Variants in PCF11 observed in about 807,000 individuals in gnomAD.
PCF11 encodes the protein pre-mRNA cleavage complex 2 protein Pcf11.
PCF11 carries 19 observed loss-of-function variants against 166.1 expected under a neutral mutation model. The ratio of observed to expected loss-of-function variants is 0.11; its 90% CI spans 0.08 to 0.17. PCF11 has a LOEUF of 0.17. PCF11 is among the 10% of genes least tolerant of loss of function. PCF11 has a pLI of 1.00. For missense variants in PCF11, 1,565 were observed against 1,855.5 expected, an observed-to-expected ratio of 0.84 and a Z score of 2.88; for synonymous variants, 663 against 644.1, an observed-to-expected ratio of 1.03 and a Z score of -0.44.
chr11:83,164,000 T>A (rs115913594), intron 3 of PCF11, 133 bp downstream of exon 3: 6 of 562,932 alleles, frequency 1.1e-5, no homozygotes, highest in Non-Finnish European at 1.5e-5. Flanking sequence ...AAAAAAAAAA[T>A]AGTGTGTATA....
At chr11:83,171,294 C>G (rs1860681355) in intron 8 of PCF11, 1 of 455,534 alleles carries the variant, frequency 2.2e-6, no homozygotes, top group African/African-American at 2.0e-5. Context: ...TGCTTACCTG[C>G]TTGGTAATTC....
rs898763506 is a variant in PCF11 at position 83,172,996 on chromosome 11, A to G, written c.3757+1082A>G. 3.9e-5 allele frequency among the ~76,000 whole-genome samples: 6 copies of G among 152,234 alleles called. 1 individual carries two copies. In the South Asian group the frequency reaches 1.0e-3, roughly 26 times the overall value. On this transcript the variant is annotated intron_variant, in intron 9 of 15. Transcript: ENST00000298281. ...AATTTCTACATGGACAATTATGACTAATTAATATTTGTTATTATTATTATT... is the reference window on the plus strand; with the variant it reads ...AATTTCTACATGGACAATTATGACTGATTAATATTTGTTATTATTATTATT...
Position 83,182,014 on chromosome 11 carries a change from G to A in PCF11, c.4323+5G>A. 1 of 1,592,752 alleles carries A rather than the reference G, an allele frequency of 6.3e-7. No individual in the cohort carries two copies. The highest frequency in any genetic ancestry group is 2.3e-5 in the East Asian group (1 of 44,266). On this transcript the variant is annotated splice_donor_5th_base_variant and intron_variant, in intron 13 of 15. Transcript: ENST00000298281. ...GGACCAGCTGGAGCAGTTGAGGTGAGAGAAGAACGTTTAAGTTTTCTCACA... is the reference window on the plus strand; with the variant it reads ...GGACCAGCTGGAGCAGTTGAGGTGAAAGAAGAACGTTTAAGTTTTCTCACA...
intron 1 of PCF11, among the ~76,000 whole-genome samples, chr11:83,160,868 G>C (rs1056153930): frequency 6.6e-6 from 1 of 152,168 alleles, no homozygotes; most frequent in African/African-American, 2.4e-5. Context: ...GGTAACAAAA[G>C]CTTCATAGAC....
In PCF11 at chr11:83,174,421, G is replaced by A. The variant is rs563551680; in HGVS notation, c.3757+2507G>A. 2.8e-5 allele frequency among the ~76,000 whole-genome samples: 4 copies of A among 143,956 alleles called. No homozygotes were observed. In the South Asian group the frequency reaches 6.6e-4, roughly 24 times the overall value. The allele number at this position is 143,956 out of a possible 152,430, so 94.4% of individuals were successfully genotyped here. A position where few individuals can be genotyped will look rare whatever the true frequency, so the allele number is the denominator to read the frequency against. Reference sequence around the variant, plus strand: ...TTTTTTTAAAGAGGGTGCTCACTATGTAGCCCAGGCTGGTCTCAAACACCT... The same window carrying A: ...TTTTTTTAAAGAGGGTGCTCACTATATAGCCCAGGCTGGTCTCAAACACCT... On this transcript the variant is annotated intron_variant, in intron 9 of 15. Transcript: ENST00000298281.
Position 83,167,663 on chromosome 11 carries a change from C to G in PCF11, c.2092+158C>G. 1 of 1,526,932 alleles carries G rather than the reference C, an allele frequency of 6.5e-7. No homozygotes were observed. Among genetic ancestry groups the G allele is most frequent in the Non-Finnish European group, 8.8e-7 (1 of 1,140,926 alleles). 94.6% of individuals were successfully genotyped at this position (1,526,932 alleles called of 1,614,324 possible). A position where few individuals can be genotyped will look rare whatever the true frequency, so the allele number is the denominator to read the frequency against. On this transcript the variant is annotated intron_variant, in intron 7 of 15. Transcript: ENST00000298281. This position sits in a 1 kb window ranked among gnomAD's most constrained non-coding sequence, Gnocchi z 4.2. ...AGCATTCATTTCCAAGACTTGATCTCTTAGATCCTGATATTTTTGACTACC... is the reference window on the plus strand; with the variant it reads ...AGCATTCATTTCCAAGACTTGATCTGTTAGATCCTGATATTTTTGACTACC...
chr11:83,159,692 G>A (rs563978561), intron 1 of PCF11, among the ~76,000 whole-genome samples: 1 of 152,240 alleles, frequency 6.6e-6, no homozygotes, highest in East Asian at 1.9e-4. Context: ...AATCTGGGTT[G>A]GGATCGAGGG....
chr11:83,171,885 A>C lies in PCF11; in HGVS notation c.3728A>C (p.Gln1243Pro), dbSNP rs746938437. 8.2e-6 allele frequency: 13 copies of C among 1,592,514 alleles called. No homozygotes were observed. In the East Asian group the frequency reaches 2.7e-4, roughly 33 times the overall value. The change falls in exon 9 of 16, where the codon CAA (glutamine) becomes CCA (proline). Residue 1243 changes from glutamine (Q) to proline (P), a missense_variant. Gln to Pro is a moderately conservative substitution (Grantham distance 76). Transcript: ENST00000298281. ...CAACAGTTTTTACCAGTTCATCCAC[A>C]AAATCCTGGATTTGTTCAGAATCCT...
Position 83,167,978 on chromosome 11 carries a change from T to G in PCF11, c.2093-450T>G. ...AATGAACAAGCTAAGTGGGGATGGA[T>G]TTTTGTGACTGTTCAGATTACCATT... On this transcript the variant is annotated intron_variant, in intron 7 of 15. Coordinates refer to ENST00000298281, the Ensembl canonical transcript of PCF11. This position sits in a 1 kb window ranked among gnomAD's most constrained non-coding sequence, Gnocchi z 4.2. 1 of 1,067,368 alleles carries G rather than the reference T, an allele frequency of 9.4e-7. No individual in the cohort carries two copies. The highest frequency in any genetic ancestry group is 1.2e-6 in the Non-Finnish European group (1 of 825,354). 66.1% of individuals were successfully genotyped at this position (1,067,368 alleles called of 1,614,324 possible).
At chr11:83,182,951 T>C (rs1861133435) in intron 14 of PCF11, 87 bp from the exon 15 acceptor site, 1 of 838,934 alleles carries the variant, frequency 1.2e-6, no homozygotes. Flanking sequence ...CCAAAGACTA[T>C]CTTCTGGCTT....
chr11:83,171,673 A>C lies in PCF11; in HGVS notation c.3661-145A>C, dbSNP rs1029312586. On this transcript the variant is annotated intron_variant, in intron 8 of 15. Coordinates refer to ENST00000298281, the Ensembl canonical transcript of PCF11. The stretch of plus-strand genomic sequence containing the variant: ...CTGTTTGTAGAAGACCTAGAAGTGA[A>C]GTGATGCAGCCAAGTTATCTTTCTA... 7.7e-6 allele frequency: 5 copies of C among 649,542 alleles called. No homozygotes were observed. In the South Asian group the frequency reaches 8.8e-5, roughly 11 times the overall value. 40.2% of individuals were successfully genotyped at this position (649,542 alleles called of 1,614,324 possible). A position where few individuals can be genotyped will look rare whatever the true frequency, so the allele number is the denominator to read the frequency against.
intron 1 of PCF11, among the ~76,000 whole-genome samples, chr11:83,160,028 TTAATA>T (rs1860170084): frequency 6.6e-6 from 1 of 152,202 alleles, no homozygotes; most frequent in Non-Finnish European, 1.5e-5. Context: ...ATGTTCGTAC[TTAATA>T]TAGTTGACCC....
At chr11:83,177,636 A>G in intron 10 of PCF11, 78 bp from the exon 11 acceptor site, 2 of 625,562 alleles carry the variant, frequency 3.2e-6, no homozygotes, top group South Asian at 3.4e-5. Context: ...CTATTTGCTT[A>G]TAATACTATA....
At chr11:83,164,495 T>C in intron 4 of PCF11, 94 bp downstream of exon 4, 2 of 845,196 alleles carry the variant, frequency 2.4e-6, no homozygotes, top group Non-Finnish European at 3.7e-6. Context: ...ATGTTACTTT[T>C]ATTAATAGTG....
chr11:83,184,889 G>A (rs1339405554), exon 16 of PCF11: 3 of 1,540,404 alleles, frequency 1.9e-6, no homozygotes, highest in Non-Finnish European at 1.7e-6. Context: ...AGTCGAGTCA[G>A]TTTAAATAAA....
chr11:83,173,165 A>G (rs779421741), intron 9 of PCF11, among the ~76,000 whole-genome samples: 31 of 152,190 alleles, frequency 2.0e-4, no homozygotes, highest in Non-Finnish European at 3.8e-4. Flanking sequence ...CCCTCTGTAA[A>G]CAGCATATGG....
chr11:83,181,878 G>A (rs1861098698), exon 13 of PCF11: 1 of 1,610,924 alleles, frequency 6.2e-7, no homozygotes, highest in Non-Finnish European at 8.5e-7. Flanking sequence ...TGAGGAGATA[G>A]CTGATCTGGA....
intron 5 of PCF11, 55 bp downstream of exon 5, chr11:83,166,769 G>A (rs1262247325): frequency 1.4e-6 from 2 of 1,454,312 alleles, no homozygotes; most frequent in Admixed American, 2.4e-5. Context: ...TCAAAAGATA[G>A]TGTTAATTTA....
chr11:83,163,627 T>G, intron 2 of PCF11, 52 bp from the exon 3 acceptor site: 1 of 613,200 alleles, frequency 1.6e-6, no homozygotes, highest in Non-Finnish European at 2.5e-6. Flanking sequence ...ATTTAATATA[T>G]AAAATATTCT....
Sources: allele counts gnomAD v4.1 joint callset (sites outside exome capture counted in the v4.1 genomes callset), GRCh38; gene constraint gnomAD v4.1.1; non-coding constraint Gnocchi (gnomAD v3.1); transcripts MANE v1.5; gene names NCBI Gene and HGNC (gene_info 2026-07-23, HGNC 2026-07-21).